Variants in SLCO6A1 observed in about 807,000 individuals in gnomAD.
SLCO6A1 encodes the protein solute carrier organic anion transporter family member 6A1.
SLCO6A1 carries 65 observed loss-of-function variants against 72.7 expected under a neutral mutation model. The ratio of observed to expected loss-of-function variants is 0.89; its 90% CI spans 0.73 to 1.10. The LOEUF is 1.10. SLCO6A1 is among the 50% of genes least tolerant of loss of function. The pLI, the probability that SLCO6A1 is intolerant of heterozygous loss-of-function variation, is 0.00. For missense variants in SLCO6A1, 874 were observed against 872.6 expected, an observed-to-expected ratio of 1.00 and a Z score of -0.02; for synonymous variants, 314 against 298.2, an observed-to-expected ratio of 1.05 and a Z score of -0.55.
intron 12 of SLCO6A1, among the ~76,000 whole-genome samples, chr5:102,378,953 G>A (rs923283995): frequency 1.2e-4 from 18 of 151,928 alleles, no homozygotes; most frequent in African/African-American, 4.1e-4. Context: ...GCTAATTTTT[G>A]TGTTTTTAGT....
chr5:102,458,374 T>C lies in SLCO6A1; in HGVS notation c.1131+8A>G, dbSNP rs761227445. 4 of 1,582,034 alleles carry C rather than the reference T, an allele frequency of 2.5e-6. No individual in the cohort carries two copies. Among genetic ancestry groups the C allele is most frequent in the Non-Finnish European group, 3.5e-6 (4 of 1,157,744 alleles). ...GTTGGATTGTTCAAGTAAAATATTT[T>C]ACTTTACCCAAAGAGCAGCACATAA... On this transcript the variant is annotated splice_region_variant and intron_variant, in intron 6 of 13. Transcript: ENST00000506729.
At chr5:102,384,621 G>A (rs1350316126) in intron 12 of SLCO6A1, among the ~76,000 whole-genome samples, 1 of 151,982 alleles carries the variant, frequency 6.6e-6, no homozygotes, top group Non-Finnish European at 1.5e-5. Flanking sequence ...ATTGCATATG[G>A]AAACTCTAGA....
chr5:102,427,447 T>C (rs1045752668), intron 7 of SLCO6A1, among the ~76,000 whole-genome samples: 3 of 152,110 alleles, frequency 2.0e-5, no homozygotes, highest in Non-Finnish European at 4.4e-5. Flanking sequence ...CCTCTGGGTC[T>C]TCCTTCCAAA....
chr5:102,380,170 T>C (rs1461808376), intron 12 of SLCO6A1, among the ~76,000 whole-genome samples: 2 of 151,996 alleles, frequency 1.3e-5, no homozygotes, highest in African/African-American at 4.8e-5. Flanking sequence ...TGTTGAGCCA[T>C]ATATTTATAT....
At chr5:102,486,976 T>C (rs1443333186) in intron 1 of SLCO6A1, among the ~76,000 whole-genome samples, 2 of 152,188 alleles carry the variant, frequency 1.3e-5, no homozygotes, top group Admixed American at 6.5e-5. Flanking sequence ...AAGTTCCCGA[T>C]GGTACTGATA....
intron 3 of SLCO6A1, among the ~76,000 whole-genome samples, chr5:102,476,384 A>C (rs957228364): frequency 6.6e-6 from 1 of 152,176 alleles, no homozygotes; most frequent in African/African-American, 2.4e-5. Context: ...TTGATGTTAC[A>C]ATCTTTAGGT....
At chr5:102,459,592 G>A (rs139360223) in intron 5 of SLCO6A1, 64 bp downstream of exon 5, 20,166 of 1,474,430 alleles carry the variant, frequency 0.014, 150 homozygotes, top group Non-Finnish European at 0.017. Context: ...CATTCTATGA[G>A]AATAAGAACC....
chr5:102,397,702 T>C (rs1747170872), intron 10 of SLCO6A1, among the ~76,000 whole-genome samples: 1 of 152,192 alleles, frequency 6.6e-6, no homozygotes, highest in African/African-American at 2.4e-5. Context: ...TAGAGATACC[T>C]GTGATCTGTC....
At chr5:102,435,339 TA>T (rs1749468797) in intron 7 of SLCO6A1, among the ~76,000 whole-genome samples, 1 of 152,178 alleles carries the variant, frequency 6.6e-6, no homozygotes, top group Non-Finnish European at 1.5e-5. Context: ...CTTCAATTTC[TA>T]AATATATAAT....
In SLCO6A1 at chr5:102,484,287, T is replaced by G. The variant is rs1169925899; in HGVS notation, c.359-3853A>C. 2.0e-5 allele frequency among the ~76,000 whole-genome samples: 3 copies of G among 152,204 alleles called. No homozygotes were observed. In the East Asian group the frequency reaches 5.8e-4, roughly 29 times the overall value. On this transcript the variant is annotated intron_variant, in intron 1 of 13. Transcript: ENST00000506729. ...ACAGCTAATTCCAGATTTCCATCTT[T>G]GAGGGTTCGTTAGTTTGTTTTGTTT... is the stretch of plus-strand genomic sequence containing the variant.
chr5:102,484,397 C>G (rs1040761647), intron 1 of SLCO6A1, among the ~76,000 whole-genome samples: 5 of 152,100 alleles, frequency 3.3e-5, no homozygotes, highest in African/African-American at 1.2e-4. Context: ...CACCTGTAAT[C>G]CCAGCAGTTT....
chr5:102,470,908 T>C (rs975162453), intron 4 of SLCO6A1, among the ~76,000 whole-genome samples: 2 of 152,030 alleles, frequency 1.3e-5, no homozygotes, highest in African/African-American at 4.8e-5. Flanking sequence ...TTGGTTGTAG[T>C]TTTGTTTAGT....
At chr5:102,418,190 A>C (rs915286943) in intron 8 of SLCO6A1, among the ~76,000 whole-genome samples, 5 of 151,984 alleles carry the variant, frequency 3.3e-5, no homozygotes, top group African/African-American at 1.2e-4. Flanking sequence ...TTATACATAA[A>C]GTATATGTAT....
chr5:102,473,130 T>G (rs541446178), intron 4 of SLCO6A1, among the ~76,000 whole-genome samples: 1 of 152,112 alleles, frequency 6.6e-6, no homozygotes, highest in Non-Finnish European at 1.5e-5. Context: ...TCTTTCTATG[T>G]GGCCAACATA....
intron 4 of SLCO6A1, among the ~76,000 whole-genome samples, chr5:102,475,200 A>AAATG (rs574219838): frequency 2.0e-5 from 3 of 152,150 alleles, no homozygotes; most frequent in Non-Finnish European, 4.4e-5. Flanking sequence ...GTCCATTGAA[A>AAATG]AATGAATGAA....
chr5:102,470,340 T>C (rs1751541263), intron 4 of SLCO6A1, among the ~76,000 whole-genome samples: 1 of 152,304 alleles, frequency 6.6e-6, no homozygotes, highest in Non-Finnish European at 1.5e-5. Context: ...TTTCAGAACC[T>C]GTTATTGGTC....
At chr5:102,473,590 A>G (rs987954887) in intron 4 of SLCO6A1, among the ~76,000 whole-genome samples, 14 of 152,056 alleles carry the variant, frequency 9.2e-5, no homozygotes, top group Non-Finnish European at 2.1e-4. Context: ...CATGTTCGAC[A>G]TAGTACTGGA....
intron 7 of SLCO6A1, among the ~76,000 whole-genome samples, chr5:102,435,393 A>G (rs1220143221): frequency 6.6e-6 from 1 of 152,000 alleles, no homozygotes; most frequent in Non-Finnish European, 1.5e-5. Context: ...CTGCTGTTAA[A>G]CTCCAGAAGT....
At chr5:102,436,620 C>A (rs1749550598) in intron 7 of SLCO6A1, among the ~76,000 whole-genome samples, 1 of 152,144 alleles carries the variant, frequency 6.6e-6, no homozygotes, top group South Asian at 2.1e-4. Context: ...CTTCTTTGAG[C>A]TGCTAGAAAT....
Sources: allele counts gnomAD v4.1 joint callset (sites outside exome capture counted in the v4.1 genomes callset), GRCh38; gene constraint gnomAD v4.1.1; transcripts MANE v1.5; gene names NCBI Gene and HGNC (gene_info 2026-07-23, HGNC 2026-07-21).